DCHS2: variants seen among roughly 807,000 people sequenced by gnomAD.
The protein encoded by DCHS2 is protocadherin-23.
DCHS2 carries 142 observed loss-of-function variants against 182.4 expected under a neutral mutation model. The observed-to-expected ratio is 0.78, with a 90% CI of 0.68 to 0.89. The LOEUF is 0.89. Among genes scored for constraint, DCHS2 ranks in the 40% least tolerant of loss-of-function variants. The pLI is 0.00. For synonymous variants in DCHS2, 1,740 were observed against 1,663.3 expected (o/e 1.05, Z -1.12); for missense variants, 4,319 against 4,198.6 (o/e 1.03, Z -0.79).
intron 16 of DCHS2, among the ~76,000 whole-genome samples, chr4:154,243,631 C>T (rs760776296): frequency 6.6e-6 from 1 of 152,134 alleles, no homozygotes; most frequent in Non-Finnish European, 1.5e-5. Context: ...GGACATGAGA[C>T]TTGCAGTGTT....
At chr4:154,384,562 TG>T in intron 1 of DCHS2, 1 of 1,523,352 alleles carries the variant, frequency 6.6e-7, no homozygotes, top group South Asian at 1.2e-5. Flanking sequence ...GATAAAGTAG[TG>T]AGTACTACCT....
At position 154,312,198 on chromosome 4, in the gene DCHS2, G is replaced by A. The variant is rs538945932; in HGVS notation, c.5260+3550C>T. Among the ~76,000 whole-genome samples the A allele has an allele frequency of 1.9e-4, 29 of 152,212 alleles. No individual in the cohort carries two copies. The South Asian group carries it at 4.2e-3, about 22-fold the overall frequency. ...TTTGAAATGCTCTATAATCTAACCC[G>A]CCTTTAAATCCTTCTCTGGGACTTC... On this transcript the variant is annotated intron_variant, in intron 10 of 19. Transcript: ENST00000357232.
chr4:154,434,099 G>T (rs1185963081), intron 1 of DCHS2, among the ~76,000 whole-genome samples: 2 of 152,208 alleles, frequency 1.3e-5, no homozygotes, highest in East Asian at 1.9e-4. Flanking sequence ...AAGTTACAGA[G>T]AATACATACA....
chr4:154,286,904 A>C (rs1037116970), intron 13 of DCHS2, among the ~76,000 whole-genome samples: 1 of 152,136 alleles, frequency 6.6e-6, no homozygotes, highest in Non-Finnish European at 1.5e-5. Flanking sequence ...AGACTACCTC[A>C]AGGCATTTAA....
chr4:154,390,147 G>T, intron 1 of DCHS2, among the ~76,000 whole-genome samples: 1 of 148,086 alleles, frequency 6.8e-6, no homozygotes, highest in Admixed American at 6.8e-5. Flanking sequence ...TAAGTTTTAG[G>T]GTACATGTGC....
chr4:154,406,989 C>T (rs929508895), intron 1 of DCHS2, among the ~76,000 whole-genome samples: 1 of 152,208 alleles, frequency 6.6e-6, no homozygotes, highest in African/African-American at 2.4e-5. Flanking sequence ...CAGTGAGATA[C>T]CAAATACTGC....
chr4:154,287,586 T>C (rs912477221), intron 13 of DCHS2, among the ~76,000 whole-genome samples: 3 of 152,178 alleles, frequency 2.0e-5, no homozygotes, highest in African/African-American at 2.4e-5. Flanking sequence ...ATTCAAGTGA[T>C]ACTTGTACCT....
chr4:154,279,733 C>A (rs1734037230), intron 13 of DCHS2, among the ~76,000 whole-genome samples: 1 of 151,394 alleles, frequency 6.6e-6, no homozygotes, highest in Admixed American at 6.6e-5. Flanking sequence ...GATAGTAATA[C>A]TAAGAGGAAA....
At chr4:154,265,120 G>T (rs1054093330) in intron 14 of DCHS2, among the ~76,000 whole-genome samples, 3 of 152,040 alleles carry the variant, frequency 2.0e-5, no homozygotes, top group Non-Finnish European at 4.4e-5. Context: ...CAAATATACA[G>T]AAAAATGTCA....
chr4:154,252,552 T>C (rs982703467), intron 16 of DCHS2, among the ~76,000 whole-genome samples: 1 of 151,920 alleles, frequency 6.6e-6, no homozygotes, highest in Non-Finnish European at 1.5e-5. Context: ...TTTGTTGTAA[T>C]TTTTAGCTCC....
At position 154,268,214 on chromosome 4, in the gene DCHS2, C is replaced by A. The variant is rs184422990; in HGVS notation, c.6577+1686G>T. 1.7e-3 allele frequency among the ~76,000 whole-genome samples: 248 copies of A among 148,872 alleles called. 2 individuals carry two copies. The highest frequency in any genetic ancestry group is 5.8e-3 in the African/African-American group (232 of 39,940). Reference sequence around the variant, plus strand: ...TTCTCTTTTCTTATTAAATTGAGAACTTTCACCTTTCACTTTCCCCCCCCC... The same window carrying A: ...TTCTCTTTTCTTATTAAATTGAGAAATTTCACCTTTCACTTTCCCCCCCCC... On this transcript the variant is annotated intron_variant, in intron 14 of 19. Coordinates refer to ENST00000357232, the MANE Select transcript of DCHS2 (RefSeq NM_001358235.2).
intron 12 of DCHS2, among the ~76,000 whole-genome samples, chr4:154,299,205 A>G (rs1735101240): frequency 6.6e-6 from 1 of 152,196 alleles, no homozygotes; most frequent in South Asian, 2.1e-4. Context: ...CTGTTATACT[A>G]TTGCAGTAAG....
intron 17 of DCHS2, 130 bp from the exon 18 acceptor site, chr4:154,240,953 A>T: frequency 2.9e-6 from 4 of 1,392,296 alleles, no homozygotes; most frequent in Non-Finnish European, 3.8e-6. Context: ...TTGATTTCTC[A>T]TACAAAGCTC....
At chr4:154,269,288 A>T (rs1046897163) in intron 14 of DCHS2, 2 of 152,362 alleles carry the variant, frequency 1.3e-5, no homozygotes, top group African/African-American at 4.8e-5. Context: ...ATTATTAGAA[A>T]CATTCTTCTT....
chr4:154,376,897 TC>T, intron 2 of DCHS2, among the ~76,000 whole-genome samples: 1 of 152,152 alleles, frequency 6.6e-6, no homozygotes, highest in East Asian at 1.9e-4. Flanking sequence ...AAAGAATATA[TC>T]GATCAAATCA....
intron 1 of DCHS2, among the ~76,000 whole-genome samples, chr4:154,456,416 A>G (rs1157925239): frequency 2.0e-5 from 3 of 152,210 alleles, no homozygotes; most frequent in Admixed American, 6.5e-5. Flanking sequence ...CTGCAGTCCA[A>G]CGGAGAAGAT....
intron 1 of DCHS2, among the ~76,000 whole-genome samples, chr4:154,454,866 G>C (rs1176111818): frequency 1.3e-5 from 2 of 152,180 alleles, no homozygotes; most frequent in Admixed American, 6.5e-5. Flanking sequence ...CTGGATCTGA[G>C]GGGATTAAAG....
At chr4:154,372,897 A>C (rs146557021) in intron 2 of DCHS2, among the ~76,000 whole-genome samples, 2 of 152,234 alleles carry the variant, frequency 1.3e-5, no homozygotes, top group African/African-American at 4.8e-5. Context: ...AGTAGCAACG[A>C]ACATCAATGT....
intron 1 of DCHS2, among the ~76,000 whole-genome samples, chr4:154,415,730 A>C (rs1362396042): frequency 2.0e-5 from 3 of 152,160 alleles, no homozygotes; most frequent in Non-Finnish European, 4.4e-5. Flanking sequence ...GTCGGTGAGG[A>C]AAATGACTAT....
Sources: allele counts gnomAD v4.1 joint callset (sites outside exome capture counted in the v4.1 genomes callset), GRCh38; gene constraint gnomAD v4.1.1; transcripts MANE v1.5; gene names NCBI Gene and HGNC (gene_info 2026-07-23, HGNC 2026-07-21).